The following FBXL7 variants were observed in gnomAD, a reference collection of about 807,000 sequenced individuals.
FBXL7 encodes F-box and leucine rich repeat protein 7.
Under a neutral mutation model 38.3 loss-of-function variants are expected in FBXL7, and 12 were observed. The observed-to-expected ratio is 0.31, with a 90% CI of 0.20 to 0.51. FBXL7 has a LOEUF of 0.51. FBXL7 is among the 20% of genes least tolerant of loss of function. The pLI, the probability that FBXL7 is intolerant of heterozygous loss-of-function variation, is 0.98. For missense variants in FBXL7, 567 were observed against 676.4 expected, an observed-to-expected ratio of 0.84 and a Z score of 1.79; for synonymous variants, 297 against 300.9, an observed-to-expected ratio of 0.99 and a Z score of 0.13.
intron 1 of FBXL7, among the ~76,000 whole-genome samples, chr5:15,581,120 G>C (rs1739125875): frequency 6.6e-6 from 1 of 152,134 alleles, no homozygotes. Flanking sequence ...CATATTGGAA[G>C]CCAGTTCAAT....
intron 2 of FBXL7, among the ~76,000 whole-genome samples, chr5:15,765,665 A>G (rs368176359): frequency 6.6e-6 from 1 of 152,164 alleles, no homozygotes; most frequent in Admixed American, 6.5e-5. Context: ...GCTGAGCTCT[A>G]GGGTAAGTGG....
intron 2 of FBXL7, among the ~76,000 whole-genome samples, chr5:15,912,505 G>A (rs1452157906): frequency 6.7e-6 from 1 of 149,622 alleles, no homozygotes; most frequent in Non-Finnish European, 1.5e-5. Flanking sequence ...CACGCTGGGA[G>A]CTGTAGACCG....
intron 2 of FBXL7, among the ~76,000 whole-genome samples, chr5:15,669,779 A>G (rs1482473154): frequency 1.3e-5 from 2 of 152,248 alleles, no homozygotes; most frequent in Non-Finnish European, 2.9e-5. Flanking sequence ...AATGTGGATT[A>G]ATACAGGAAC....
At chr5:15,598,411 GA>G (rs1475753335) in intron 1 of FBXL7, among the ~76,000 whole-genome samples, 4 of 152,162 alleles carry the variant, frequency 2.6e-5, no homozygotes, top group African/African-American at 9.7e-5. Context: ...TTAGGATGAA[GA>G]TTTTTTTTCC....
At chr5:15,528,971 A>G (rs1199389020) in intron 1 of FBXL7, among the ~76,000 whole-genome samples, 2 of 152,332 alleles carry the variant, frequency 1.3e-5, no homozygotes, top group South Asian at 2.1e-4. Context: ...ATTTTTAAGT[A>G]TACATTATTA....
At chr5:15,768,932 C>T (rs2402182) in intron 2 of FBXL7, among the ~76,000 whole-genome samples, 18,553 of 152,258 alleles carry the variant, frequency 0.12, 1,180 homozygotes, top group South Asian at 0.16. Context: ...ATCAAAACAA[C>T]AAACAGTAAT....
At chr5:15,825,659 T>C (rs948653521) in intron 2 of FBXL7, among the ~76,000 whole-genome samples, 1 of 152,242 alleles carries the variant, frequency 6.6e-6, no homozygotes, top group Non-Finnish European at 1.5e-5. Context: ...TAAGTGTTTC[T>C]TAATTTCTAA....
chr5:15,822,286 C>T (rs1738191238), intron 2 of FBXL7, among the ~76,000 whole-genome samples: 1 of 151,672 alleles, frequency 6.6e-6, no homozygotes, highest in Admixed American at 6.6e-5. Context: ...CGCTTGAACC[C>T]AGGAGGCAGA....
intron 2 of FBXL7, among the ~76,000 whole-genome samples, chr5:15,801,120 T>C (rs1407014358): frequency 2.0e-5 from 3 of 152,216 alleles, no homozygotes; most frequent in Non-Finnish European, 4.4e-5. Flanking sequence ...CCTGCCTGTG[T>C]GATCAAGGGT....
intron 2 of FBXL7, among the ~76,000 whole-genome samples, chr5:15,709,680 T>C (rs1743802436): frequency 1.3e-5 from 2 of 152,316 alleles, no homozygotes; most frequent in Admixed American, 1.3e-4. Context: ...ACCTTCTGTC[T>C]TAGTTTGTTT....
intron 2 of FBXL7, among the ~76,000 whole-genome samples, chr5:15,729,793 C>T (rs1352765808): frequency 6.6e-6 from 1 of 152,164 alleles, no homozygotes; most frequent in East Asian, 1.9e-4. Flanking sequence ...CAGGCAGCAT[C>T]ATATGTGATT....
chr5:15,892,631 A>T (rs1462007639), intron 2 of FBXL7, among the ~76,000 whole-genome samples: 1 of 152,198 alleles, frequency 6.6e-6, no homozygotes, highest in South Asian at 2.1e-4. Flanking sequence ...CATTCATTTT[A>T]AAGACATTGA....
At chr5:15,580,326 A>G (rs1291885593) in intron 1 of FBXL7, among the ~76,000 whole-genome samples, 1 of 152,110 alleles carries the variant, frequency 6.6e-6, no homozygotes, top group African/African-American at 2.4e-5. Flanking sequence ...CCCCCAGTCT[A>G]TGGTATTTTG....
At chr5:15,587,666 A>G (rs902481502) in intron 1 of FBXL7, among the ~76,000 whole-genome samples, 4 of 152,172 alleles carry the variant, frequency 2.6e-5, no homozygotes, top group African/African-American at 9.7e-5. Context: ...CCTCAAATTT[A>G]AATAATTTTC....
chr5:15,892,608 T>C lies in FBXL7; in HGVS notation c.128-35282T>C, dbSNP rs139947782. 4.6e-3 allele frequency among the ~76,000 whole-genome samples: 699 copies of C among 152,298 alleles called. 4 individuals are homozygous for C. Among genetic ancestry groups the C allele is most frequent in the Non-Finnish European group, 7.4e-3 (506 of 68,022 alleles). ...TTACTTATTACATCTGAAAACGTATTATATCATATCCTCATTCATTTTAAA... is the reference window on the plus strand; with the variant it reads ...TTACTTATTACATCTGAAAACGTATCATATCATATCCTCATTCATTTTAAA... On this transcript the variant is annotated intron_variant, in intron 2 of 3. Coordinates refer to ENST00000504595, the MANE Select transcript of FBXL7 (RefSeq NM_012304.5).
chr5:15,767,725 T>C (rs977927672), intron 2 of FBXL7, among the ~76,000 whole-genome samples: 1 of 152,220 alleles, frequency 6.6e-6, no homozygotes, highest in East Asian at 1.9e-4. Context: ...CTTTTATTAG[T>C]AATATTTATA....
chr5:15,645,841 T>C (rs138975892), intron 2 of FBXL7, among the ~76,000 whole-genome samples: 1 of 152,368 alleles, frequency 6.6e-6, no homozygotes, highest in African/African-American at 2.4e-5. Flanking sequence ...ATGACTTGGC[T>C]GTGTTGTTCA....
In FBXL7 at chr5:15,689,478, C is replaced by T. The variant is rs1490579148; in HGVS notation, c.127+73406C>T. On this transcript the variant is annotated intron_variant, in intron 2 of 3. Coordinates refer to ENST00000504595, the MANE Select transcript of FBXL7 (RefSeq NM_012304.5). ...GACATGTAAAAATAGCTGCTACCTGCGGTGTACACATTTTGTTTCAGGCAC... is the reference window on the plus strand; with the variant it reads ...GACATGTAAAAATAGCTGCTACCTGTGGTGTACACATTTTGTTTCAGGCAC... Among the ~76,000 whole-genome samples the T allele has an allele frequency of 4.6e-5, 7 of 152,204 alleles. 1 individual carries two copies. Among genetic ancestry groups the T allele is most frequent in the Admixed American group, 3.3e-4 (5 of 15,278 alleles).
At chr5:15,750,565 G>C (rs538477708) in intron 2 of FBXL7, among the ~76,000 whole-genome samples, 1 of 152,310 alleles carries the variant, frequency 6.6e-6, no homozygotes, top group South Asian at 2.1e-4. Context: ...TAATCTAAAA[G>C]CTCCATTCTG....
Sources: gnomAD v4.1 joint callset for allele counts (sites outside exome capture counted in the v4.1 genomes callset) on GRCh38, gnomAD v4.1.1 for gene constraint, MANE v1.5 for transcripts, NCBI Gene and HGNC (gene_info 2026-07-23, HGNC 2026-07-21) for gene names.